NETO1: variants seen among roughly 807,000 people sequenced by gnomAD.
The protein encoded by NETO1 is neuropilin and tolloid-like protein 1.
Under a neutral mutation model 61.3 loss-of-function variants are expected in NETO1, and 26 were observed. The ratio of observed to expected loss-of-function variants is 0.42; its 90% CI spans 0.31 to 0.59. The LOEUF is 0.59. NETO1 is among the 20% of genes least tolerant of loss of function. The pLI, the probability that NETO1 is intolerant of heterozygous loss-of-function variation, is 0.12. For missense variants in NETO1, 531 were observed against 662.8 expected (o/e 0.80, Z 2.18); for synonymous variants, 225 against 225.8 (o/e 1.00, Z 0.03).
intron 7 of NETO1, among the ~76,000 whole-genome samples, chr18:72,763,786 C>T (rs1916763726): frequency 6.6e-6 from 1 of 152,128 alleles, no homozygotes; most frequent in Admixed American, 6.5e-5. Context: ...GAGGAAACAG[C>T]TTGGAGTATG....
chr18:72,763,593 A>T (rs1369007003), intron 7 of NETO1, among the ~76,000 whole-genome samples: 1 of 128,456 alleles, frequency 7.8e-6, no homozygotes, highest in Admixed American at 7.7e-5. Context: ...CCACACACAC[A>T]CTCACAAACA....
intron 4 of NETO1, among the ~76,000 whole-genome samples, chr18:72,833,880 A>G (rs192478899): frequency 1.5e-3 from 235 of 152,324 alleles, no homozygotes; most frequent in African/African-American, 5.5e-3. Context: ...CATACAAAAC[A>G]TTATTATATA....
At chr18:72,754,805 C>T (rs2070733679) in intron 8 of NETO1, among the ~76,000 whole-genome samples, 1 of 152,098 alleles carries the variant, frequency 6.6e-6, no homozygotes, top group Non-Finnish European at 1.5e-5. Flanking sequence ...TTGAACAATG[C>T]TTTATAGCTT....
At chr18:72,786,601 G>A (rs768337539) in intron 6 of NETO1, among the ~76,000 whole-genome samples, 1 of 151,950 alleles carries the variant, frequency 6.6e-6, no homozygotes, top group Non-Finnish European at 1.5e-5. Context: ...CTTCATTTTC[G>A]GTATGCCCAG....
At position 72,858,812 on chromosome 18, in the gene NETO1, A is replaced by C. The variant is rs752993026; in HGVS notation, c.469+14T>G. The stretch of plus-strand genomic sequence containing the variant: ...AGGAAGAAAAAGAAATTTTTTTTTT[A>C]AGTACTTACTTACCAGGTGTGAAAT... On this transcript the variant is annotated intron_variant, in intron 4 of 10. Coordinates refer to ENST00000327305, the MANE Select transcript of NETO1 (RefSeq NM_138966.5). The C allele has an allele frequency of 2.5e-6, 4 of 1,572,026 alleles. No homozygotes were observed. Among genetic ancestry groups the C allele is most frequent in the African/African-American group, 1.4e-5 (1 of 72,416 alleles).
chr18:72,839,837 A>G (rs8090226), intron 4 of NETO1, among the ~76,000 whole-genome samples: 1 of 152,276 alleles, frequency 6.6e-6, no homozygotes, highest in Non-Finnish European at 1.5e-5. Context: ...AGCCCTTTGT[A>G]TTTACCATAA....
chr18:72,806,600 A>G (rs890180211), intron 4 of NETO1, among the ~76,000 whole-genome samples: 11 of 152,162 alleles, frequency 7.2e-5, no homozygotes, highest in African/African-American at 2.7e-4. Flanking sequence ...TCTTCCTAAA[A>G]TTTTTAAACT....
chr18:72,793,978 CA>C (rs1007865905), intron 6 of NETO1, 138 bp downstream of exon 6: 11 of 1,155,530 alleles, frequency 9.5e-6, no homozygotes, highest in African/African-American at 6.1e-5. Context: ...AGTTACATCT[CA>C]AAAACCAAAA....
chr18:72,831,317 G>A (rs912341189), intron 4 of NETO1, among the ~76,000 whole-genome samples: 1 of 152,096 alleles, frequency 6.6e-6, no homozygotes. Context: ...GAATGAAAAT[G>A]ATCTATTTCT....
intron 10 of NETO1, chr18:72,748,389 A>T: frequency 1.6e-6 from 1 of 643,620 alleles, no homozygotes; most frequent in African/African-American, 2.0e-5. Context: ...AGCCATTGTG[A>T]TATCTGATGA....
At chr18:72,833,255 A>G (rs962889352) in intron 4 of NETO1, among the ~76,000 whole-genome samples, 8 of 152,318 alleles carry the variant, frequency 5.3e-5, no homozygotes, top group Admixed American at 2.0e-4. Flanking sequence ...TGAGTCATAG[A>G]TATTTCTGAC....
rs2070402158 is a variant in NETO1 at position 72,745,064 on chromosome 18, T to C, written c.*3115A>G. ...CACGGAAATACTTCTAGAGCAAAAG[T>C]AAATGTGAAACAGAAAAACCAGCAA... On this transcript the variant is annotated 3_prime_UTR_variant, in exon 11 of 11. Transcript: ENST00000327305. 1 of 152,162 alleles carries C rather than the reference T, an allele frequency of 6.6e-6. No homozygotes were observed. The highest frequency in any genetic ancestry group is 2.4e-5 in the African/African-American group (1 of 41,432). 9.4% of individuals were successfully genotyped at this position (152,162 alleles called of 1,614,324 possible).
intron 4 of NETO1, among the ~76,000 whole-genome samples, chr18:72,838,776 T>G (rs6566669): frequency 0.42 from 63,561 of 152,066 alleles, 13,564 homozygotes; most frequent in East Asian, 0.65. Context: ...ATAAAGCCTA[T>G]TGGAAAGTTA....
intron 4 of NETO1, among the ~76,000 whole-genome samples, chr18:72,818,349 T>C (rs1264551853): frequency 6.6e-6 from 1 of 152,174 alleles, no homozygotes; most frequent in Non-Finnish European, 1.5e-5. Context: ...ATATTGACAG[T>C]ATCACATAAA....
At chr18:72,820,226 T>G (rs919825610) in intron 4 of NETO1, among the ~76,000 whole-genome samples, 4 of 152,212 alleles carry the variant, frequency 2.6e-5, no homozygotes, top group Non-Finnish European at 5.9e-5. Context: ...TAATTTTTAC[T>G]TTGCTTGTTT....
At chr18:72,790,293 C>T (rs2072070692) in intron 6 of NETO1, among the ~76,000 whole-genome samples, 1 of 151,658 alleles carries the variant, frequency 6.6e-6, no homozygotes, top group Non-Finnish European at 1.5e-5. Flanking sequence ...AACATCACAC[C>T]GTACCCCATA....
intron 7 of NETO1, among the ~76,000 whole-genome samples, chr18:72,761,501 A>G (rs2070971084): frequency 6.6e-6 from 1 of 152,218 alleles, no homozygotes; most frequent in Non-Finnish European, 1.5e-5. Context: ...GACCATCAAG[A>G]TAACAGGTAT....
rs1259015869 is a variant in NETO1, at chr18:72,745,735, G to T, written c.*2444C>A. On this transcript the variant is annotated 3_prime_UTR_variant, in exon 11 of 11. Transcript: ENST00000327305. ...AAATAAGCACCGCCAGAGCCCTCCAGAGAACATCTCCCAACTCTGCCAGAG... is the reference window on the plus strand; with the variant it reads ...AAATAAGCACCGCCAGAGCCCTCCATAGAACATCTCCCAACTCTGCCAGAG... 6.6e-6 allele frequency: 1 copy of T among 152,186 alleles called. No homozygotes were observed. The highest frequency in any genetic ancestry group is 1.5e-5 in the Non-Finnish European group (1 of 68,038). 9.4% of individuals were successfully genotyped at this position (152,186 alleles called of 1,614,324 possible). A position where few individuals can be genotyped will look rare whatever the true frequency, so the allele number is the denominator to read the frequency against.
intron 4 of NETO1, among the ~76,000 whole-genome samples, chr18:72,802,339 T>C (rs2072534913): frequency 6.6e-6 from 1 of 152,200 alleles, no homozygotes; most frequent in Admixed American, 6.5e-5. Flanking sequence ...GCTGAATGCC[T>C]ACTGGATGAA....
Sources: gnomAD v4.1 joint callset for allele counts (sites outside exome capture counted in the v4.1 genomes callset) on GRCh38, gnomAD v4.1.1 for gene constraint, MANE v1.5 for transcripts, NCBI Gene and HGNC (gene_info 2026-07-23, HGNC 2026-07-21) for gene names.